FAM171A1: variants seen among roughly 807,000 people sequenced by gnomAD.
The protein encoded by FAM171A1 is protein FAM171A1.
A neutral mutation model predicts 74.9 loss-of-function variants in FAM171A1; 23 were observed. The ratio of observed to expected loss-of-function variants is 0.31; its 90% CI spans 0.22 to 0.44. FAM171A1 has a LOEUF of 0.44. FAM171A1 is among the 20% of genes least tolerant of loss of function. FAM171A1 has a pLI of 1.00. For missense variants in FAM171A1, 1,162 were observed against 1,159.2 expected, an observed-to-expected ratio of 1.00 and a Z score of -0.03; for synonymous variants, 527 against 505.7, an observed-to-expected ratio of 1.04 and a Z score of -0.57.
chr10:15,238,994 C>T (rs1290695714), intron 5 of FAM171A1, among the ~76,000 whole-genome samples: 3 of 152,182 alleles, frequency 2.0e-5, no homozygotes, highest in Non-Finnish European at 4.4e-5. Context: ...CACTTGATGT[C>T]CATCGCTTTA....
At chr10:15,369,251 TTCTC>T (rs1250236496) in intron 1 of FAM171A1, among the ~76,000 whole-genome samples, 2 of 140,302 alleles carry the variant, frequency 1.4e-5, no homozygotes, top group African/African-American at 5.9e-5. Flanking sequence ...ATGCCTTCCT[TTCTC>T]TAATTCAGAA....
intron 1 of FAM171A1, among the ~76,000 whole-genome samples, chr10:15,323,361 G>A (rs1458663598): frequency 6.6e-6 from 1 of 152,114 alleles, no homozygotes; most frequent in African/African-American, 2.4e-5. Flanking sequence ...GCTGAGACAG[G>A]AGAATTGCTT....
rs184213140 is a variant in FAM171A1, at chr10:15,348,724, T to C, written c.97+22232A>G. Reference sequence around the variant, plus strand: ...CGGGACCCTGAATTTGAATCTGCATTTAACAAGATCCCCAGCTGATTCCCA... The same window carrying C: ...CGGGACCCTGAATTTGAATCTGCATCTAACAAGATCCCCAGCTGATTCCCA... On this transcript the variant is annotated intron_variant, in intron 1 of 7. Transcript: ENST00000378116. Among the ~76,000 whole-genome samples, 20 of 152,272 alleles carry C rather than the reference T, an allele frequency of 1.3e-4. No individual in the cohort carries two copies. In the East Asian group the frequency reaches 3.9e-3, roughly 29 times the overall value.
At chr10:15,294,514 G>A (rs1835138198) in intron 1 of FAM171A1, among the ~76,000 whole-genome samples, 2 of 152,218 alleles carry the variant, frequency 1.3e-5, no homozygotes, top group Admixed American at 1.3e-4. Context: ...CAAGGAGGAA[G>A]AAACGAGCGC....
chr10:15,292,570 A>G (rs763034329), intron 1 of FAM171A1, among the ~76,000 whole-genome samples: 2 of 151,980 alleles, frequency 1.3e-5, no homozygotes, highest in Non-Finnish European at 2.9e-5. Context: ...AACTTCCCCA[A>G]CCCGGGCTCA....
At chr10:15,233,455 G>A (rs79963278) in intron 5 of FAM171A1, among the ~76,000 whole-genome samples, 1 of 151,988 alleles carries the variant, frequency 6.6e-6, no homozygotes, top group Non-Finnish European at 1.5e-5. Context: ...GTACTGCAGG[G>A]ACAAGCCAGA....
chr10:15,228,968 T>G (rs1397337377), intron 5 of FAM171A1, among the ~76,000 whole-genome samples: 1 of 152,240 alleles, frequency 6.6e-6, no homozygotes, highest in Non-Finnish European at 1.5e-5. Context: ...GGTACTTTAC[T>G]TCTTGCAGCT....
At chr10:15,338,322 C>A (rs1259904500) in intron 1 of FAM171A1, among the ~76,000 whole-genome samples, 1 of 152,090 alleles carries the variant, frequency 6.6e-6, no homozygotes, top group Non-Finnish European at 1.5e-5. Context: ...TGCTCTTTCC[C>A]AACAGTATAA....
intron 1 of FAM171A1, among the ~76,000 whole-genome samples, chr10:15,324,676 T>C (rs1835528934): frequency 6.6e-6 from 1 of 151,742 alleles, no homozygotes; most frequent in Non-Finnish European, 1.5e-5. Context: ...CTACTGACAA[T>C]CTTAAAATCA....
intron 1 of FAM171A1, among the ~76,000 whole-genome samples, chr10:15,293,151 T>C (rs181176936): frequency 6.6e-6 from 1 of 152,346 alleles, no homozygotes; most frequent in East Asian, 1.9e-4. Context: ...CCTAAGCATA[T>C]AGAATAATGT....
intron 5 of FAM171A1, among the ~76,000 whole-genome samples, chr10:15,236,216 G>C (rs1005534081): frequency 6.6e-6 from 1 of 151,710 alleles, no homozygotes; most frequent in Non-Finnish European, 1.5e-5. Context: ...AGCAACCTTG[G>C]GTGAGACTGG....
At chr10:15,343,181 G>A (rs1421664648) in intron 1 of FAM171A1, among the ~76,000 whole-genome samples, 1 of 152,192 alleles carries the variant, frequency 6.6e-6, no homozygotes, top group Non-Finnish European at 1.5e-5. Context: ...GGACAACACA[G>A]CAAGACCCCA....
intron 6 of FAM171A1, among the ~76,000 whole-genome samples, chr10:15,218,202 C>T (rs1042858113): frequency 6.6e-6 from 1 of 152,092 alleles, no homozygotes; most frequent in Non-Finnish European, 1.5e-5. Flanking sequence ...GCCTCAGCCT[C>T]CTGAGTACCT....
At chr10:15,267,401 G>C (rs771385236) in intron 3 of FAM171A1, among the ~76,000 whole-genome samples, 1 of 151,922 alleles carries the variant, frequency 6.6e-6, no homozygotes, top group Non-Finnish European at 1.5e-5. Context: ...TCAGTAGATT[G>C]AGGCCATCCT....
chr10:15,315,789 G>A (rs1835415049), intron 1 of FAM171A1, among the ~76,000 whole-genome samples: 2 of 152,106 alleles, frequency 1.3e-5, no homozygotes, highest in African/African-American at 4.8e-5. Context: ...CCTTTTTATT[G>A]GAGACAAGGA....
intron 1 of FAM171A1, among the ~76,000 whole-genome samples, chr10:15,358,799 A>G (rs1835961264): frequency 2.6e-5 from 4 of 152,242 alleles, no homozygotes; most frequent in Admixed American, 2.6e-4. Flanking sequence ...GAAAATTACC[A>G]GGCCCATGAA....
In FAM171A1 at chr10:15,215,372, AT is replaced by A. The variant is rs887829106; in HGVS notation, c.986+623del. The stretch of plus-strand genomic sequence containing the variant: ...CAGACACGGCATCTAAATAAGAATA[AT>A]TTTTTTTTTTGAGATGGAGTCTTGC... On this transcript the variant is annotated intron_variant, in intron 7 of 7. Transcript: ENST00000378116. Among the ~76,000 whole-genome samples the A allele has an allele frequency of 7.4e-3, 1,108 of 148,976 alleles. 11 individuals carry two copies. The highest frequency in any genetic ancestry group is 0.023 in the African/African-American group (924 of 40,832).
Position 15,343,237 on chromosome 10 carries a change from C to T in FAM171A1, c.97+27719G>A, listed in dbSNP as rs116149081. Among the ~76,000 whole-genome samples the T allele has an allele frequency of 2.6e-3, 400 of 152,306 alleles. 4 individuals carry two copies. Among genetic ancestry groups the T allele is most frequent in the African/African-American group, 9.4e-3 (389 of 41,572 alleles). On this transcript the variant is annotated intron_variant, in intron 1 of 7. Transcript: ENST00000378116. ...TTTAAAAACTAGCTGAGTGCAGTAGCATGTGCCTGTAGTTCCAGTTACACA... is the reference window on the plus strand; with the variant it reads ...TTTAAAAACTAGCTGAGTGCAGTAGTATGTGCCTGTAGTTCCAGTTACACA...
At chr10:15,244,979 T>C (rs1834413216) in intron 5 of FAM171A1, among the ~76,000 whole-genome samples, 1 of 152,218 alleles carries the variant, frequency 6.6e-6, no homozygotes, top group African/African-American at 2.4e-5. Flanking sequence ...AGAAATGTGG[T>C]TAAATATGTC....
Sources: allele counts gnomAD v4.1 joint callset (sites outside exome capture counted in the v4.1 genomes callset), GRCh38; gene constraint gnomAD v4.1.1; transcripts MANE v1.5; gene names NCBI Gene and HGNC (gene_info 2026-07-23, HGNC 2026-07-21).